Variants in MLIP observed in about 807,000 individuals in gnomAD.
MLIP encodes muscular LMNA-interacting protein.
A neutral mutation model predicts 84.8 loss-of-function variants in MLIP; 79 were observed. The ratio of observed to expected loss-of-function variants is 0.93; its 90% confidence interval spans 0.78 to 1.12. The LOEUF is 1.12. Among genes scored for constraint, MLIP ranks in the 50% most tolerant of loss-of-function variants. MLIP has a pLI of 0.00. For synonymous variants in MLIP, 504 were observed against 463.0 expected, an observed-to-expected ratio of 1.09 and a Z score of -1.14; for missense variants, 1,257 against 1,160.6, an observed-to-expected ratio of 1.08 and a Z score of -1.21.
chr6:54,070,338 C>G lies in MLIP; in HGVS notation c.64-51109C>G, dbSNP rs563458359. ...TGTATTTTTATTTCCCCACCTCCCC[C>G]CCATGTTTAATGTCCCAGATAATGG... On this transcript the variant is annotated intron_variant, in intron 1 of 12. Coordinates refer to the MLIP transcript ENST00000274897. 1.5e-4 allele frequency among the ~76,000 whole-genome samples: 23 copies of G among 152,258 alleles called. No individual in the cohort carries two copies. In the South Asian group the frequency reaches 1.9e-3, roughly 12 times the overall value.
intron 11 of MLIP, chr6:54,215,042 A>C (rs1455594416): frequency 1.3e-5 from 10 of 792,060 alleles, no homozygotes; most frequent in Non-Finnish European, 2.0e-5. Flanking sequence ...GTAAGTTCTC[A>C]ATATTCTGGA....
intron 1 of MLIP, among the ~76,000 whole-genome samples, chr6:54,090,584 G>A (rs1767798401): frequency 6.6e-6 from 1 of 151,938 alleles, no homozygotes; most frequent in Admixed American, 6.6e-5. Flanking sequence ...GTGAGAACCA[G>A]CCTTCATATT....
intron 11 of MLIP, chr6:54,215,544 T>A (rs1308199725): frequency 2.8e-6 from 1 of 353,424 alleles, no homozygotes; most frequent in Non-Finnish European, 4.3e-6. Flanking sequence ...GTGTACATTG[T>A]ATAATGATTA....
At chr6:54,093,564 C>T (rs537690392) in intron 1 of MLIP, among the ~76,000 whole-genome samples, 23 of 152,114 alleles carry the variant, frequency 1.5e-4, no homozygotes, top group African/African-American at 4.3e-4. Flanking sequence ...GCTGCTAAAA[C>T]GAGGGGGCTT....
At chr6:54,257,220 C>T in intron 12 of MLIP, 88 bp from the exon 13 acceptor site, 3 of 883,490 alleles carry the variant, frequency 3.4e-6, no homozygotes, top group South Asian at 3.0e-5. Context: ...ATATTTATGT[C>T]ATTGTCAATC....
At chr6:54,078,065 A>G (rs1187910227) in intron 1 of MLIP, among the ~76,000 whole-genome samples, 1 of 152,176 alleles carries the variant, frequency 6.6e-6, no homozygotes, top group African/African-American at 2.4e-5. Flanking sequence ...ACTTACTGTC[A>G]TTTTGGTGGA....
chr6:54,142,449 A>G (rs184240884), intron 4 of MLIP, among the ~76,000 whole-genome samples: 4 of 152,294 alleles, frequency 2.6e-5, no homozygotes, highest in Admixed American at 2.0e-4. Context: ...TGTAACATCC[A>G]AGGAGGTGAT....
chr6:54,217,295 A>C, intron 11 of MLIP: 1 of 985,426 alleles, frequency 1.0e-6, no homozygotes, highest in Middle Eastern at 5.2e-4. Context: ...ATGGAACAAA[A>C]GCATTTCAGA....
intron 3 of MLIP, among the ~76,000 whole-genome samples, chr6:54,132,358 GATGAA>G (rs1359865922): frequency 6.6e-6 from 1 of 152,178 alleles, no homozygotes; most frequent in Non-Finnish European, 1.5e-5. Context: ...GGGAATAACT[GATGAA>G]ATGAGATTTC....
intron 10 of MLIP, among the ~76,000 whole-genome samples, chr6:54,197,877 G>GT (rs1778408386): frequency 6.6e-6 from 1 of 152,114 alleles, no homozygotes; most frequent in Non-Finnish European, 1.5e-5. Flanking sequence ...GGACACAGAT[G>GT]TAACAAATTA....
At chr6:54,102,663 C>T (rs1212636962) in intron 1 of MLIP, among the ~76,000 whole-genome samples, 1 of 152,154 alleles carries the variant, frequency 6.6e-6, no homozygotes, top group Non-Finnish European at 1.5e-5. Context: ...CTCCTGTCCT[C>T]TCTGAATCTT....
chr6:54,205,886 C>A (rs1374983208), intron 11 of MLIP, among the ~76,000 whole-genome samples: 3 of 151,888 alleles, frequency 2.0e-5, no homozygotes, highest in Non-Finnish European at 2.9e-5. Context: ...ATTATTGTGC[C>A]AATTTGTGGT....
chr6:54,215,304 A>T, intron 11 of MLIP: 1 of 1,412,504 alleles, frequency 7.1e-7, no homozygotes, highest in Non-Finnish European at 9.2e-7. Context: ...TGGCAAGAAC[A>T]TGGGCTCTTG....
intron 1 of MLIP, among the ~76,000 whole-genome samples, chr6:54,059,572 C>T (rs770181235): frequency 4.6e-5 from 7 of 152,128 alleles, no homozygotes; most frequent in Non-Finnish European, 8.8e-5. Context: ...AAATAATCAT[C>T]TCCAGATTTG....
chr6:54,129,831 G>A (rs143471295), intron 3 of MLIP, among the ~76,000 whole-genome samples: 1 of 152,150 alleles, frequency 6.6e-6, no homozygotes, highest in Non-Finnish European at 1.5e-5. Context: ...GCAAGAATAG[G>A]TGAGAGGTGA....
intron 1 of MLIP, chr6:54,083,450 C>T: frequency 6.6e-7 from 1 of 1,518,982 alleles, no homozygotes; most frequent in Admixed American, 2.0e-5. Context: ...GCTTTGTCAT[C>T]TTTGCAGCTC....
At chr6:54,261,184 T>C (rs1282488499) in intron 13 of MLIP, among the ~76,000 whole-genome samples, 3 of 152,018 alleles carry the variant, frequency 2.0e-5, no homozygotes, top group Non-Finnish European at 4.4e-5. Flanking sequence ...TTATTGTATT[T>C]CTCATCTTGT....
chr6:54,222,042 C>T (rs1220415367), intron 11 of MLIP, among the ~76,000 whole-genome samples: 1 of 151,836 alleles, frequency 6.6e-6, no homozygotes, highest in African/African-American at 2.4e-5. Context: ...CTGTGTTTTA[C>T]TTTTTTTATT....
At chr6:54,118,589 T>G (rs1244782253) in intron 1 of MLIP, among the ~76,000 whole-genome samples, 1 of 152,232 alleles carries the variant, frequency 6.6e-6, no homozygotes, top group Non-Finnish European at 1.5e-5. Flanking sequence ...GGGAAAGTTC[T>G]ATGACATTGG....
Sources: gnomAD v4.1 joint callset for allele counts (sites outside exome capture counted in the v4.1 genomes callset) on GRCh38, gnomAD v4.1.1 for gene constraint, MANE v1.5 for transcripts, NCBI Gene and HGNC (gene_info 2026-07-23, HGNC 2026-07-21) for gene names.